RSC1A1: variants seen among roughly 807,000 people sequenced by gnomAD.
RSC1A1 encodes the protein regulator of solute carriers 1.
Under a neutral mutation model 7.7 loss-of-function variants are expected in RSC1A1, and 6 were observed. That is an observed-to-expected ratio of 0.78 (90% CI 0.43 to 1.53). The LOEUF (loss-of-function observed/expected upper bound fraction) is 1.53, where lower values mean the gene tolerates loss of function less well. Among genes scored for constraint, RSC1A1 ranks in the 40% most tolerant of loss-of-function variants. The pLI is 0.01. For missense variants in RSC1A1, 729 were observed against 726.3 expected, an observed-to-expected ratio of 1.00 and a Z score of -0.04; for synonymous variants, 250 against 263.0, an observed-to-expected ratio of 0.95 and a Z score of 0.48.
chr1:15,660,862 C>T lies in RSC1A1; in HGVS notation c.994C>T (p.Pro332Ser). The T allele has an allele frequency of 1.9e-6, 3 of 1,614,162 alleles. No individual in the cohort carries two copies. The highest frequency in any genetic ancestry group is 1.7e-6 in the Non-Finnish European group (2 of 1,180,034). ...TNKEYGHYSS[P>S]SLCGSCQPSV... ...TAAAGAATATGGCCATTACTCCTCT[C>T]CAAGTCTCTGTGGCAGTTGTCAGCC... The change falls in exon 1 of 1, where the codon CCA becomes TCA. Residue 332 changes from proline (P) to serine (S), a missense_variant. Pro to Ser is a moderately conservative substitution (Grantham distance 74, BLOSUM62 -1). Coordinates refer to ENST00000345034, the MANE Select transcript of RSC1A1 (RefSeq NM_006511.3).
Position 15,660,533 on chromosome 1 carries a change from C to T in RSC1A1, c.665C>T (p.Pro222Leu). The T allele has an allele frequency of 1.2e-6, 2 of 1,613,156 alleles. No homozygotes were observed. The highest frequency in any genetic ancestry group is 4.5e-5 in the East Asian group (2 of 44,884). The change falls in exon 1 of 1, where the codon CCA becomes CTA. Residue 222 changes from proline to leucine, a missense_variant. Transcript: ENST00000345034. ...GCTACGATGAAAGGAAATGGGCTCC[C>T]ACAGAATGTGGATCCTCCAAGTGCG... Reference protein sequence around the residue: ...LEATMKGNGLPQNVDPPSAKK... With the variant: ...LEATMKGNGLLQNVDPPSAKK...
rs1404711626 is a variant in RSC1A1, at chr1:15,661,773, GCT to G, written c.*58_*59del. The G allele has an allele frequency of 5.2e-6, 8 of 1,539,842 alleles. No individual in the cohort carries two copies. Among genetic ancestry groups the G allele is most frequent in the African/African-American group, 2.8e-5 (2 of 72,548 alleles). On this transcript the variant is annotated 3_prime_UTR_variant, in exon 1 of 1. Coordinates refer to ENST00000345034, the MANE Select transcript of RSC1A1 (RefSeq NM_006511.3). ...CTCCATTCCCTTTAAACAAAAGAAA[GCT>G]CTCTCTATATACACGCACACATACA...
Position 15,659,930 on chromosome 1 carries a change from CTGATGTTGGTAATCCTATGAGTCT to C in RSC1A1, c.65_88del (p.Asp22_Leu29del). On this transcript the variant is annotated inframe_deletion, in exon 1 of 1. Coordinates refer to ENST00000345034, the MANE Select transcript of RSC1A1 (RefSeq NM_006511.3). The stretch of plus-strand genomic sequence containing the variant: ...CCCGCCCGTTCTTCAGGACAGAGTC[CTGATGTTGGTAATCCTATGAGTCT>C]TGCTCGCTCTGTCTCTGCTTCAGTC... 1 of 1,613,356 alleles carries C rather than the reference CTGATGTTGGTAATCCTATGAGTCT, an allele frequency of 6.2e-7. No homozygotes were observed. The highest frequency in any genetic ancestry group is 8.5e-7 in the Non-Finnish European group (1 of 1,179,774).
chr1:15,661,940 C>A lies in RSC1A1; in HGVS notation c.*218C>A. The A allele has an allele frequency of 1.6e-6, 1 of 610,634 alleles. No individual in the cohort carries two copies. Among genetic ancestry groups the A allele is most frequent in the Non-Finnish European group, 2.5e-6 (1 of 398,070 alleles). The allele number at this position is 610,634 out of a possible 1,614,324, so 37.8% of individuals were successfully genotyped here. ...TCTATCCTACTTGTTAAAATTTAGG[C>A]CTTTTTAAATGTATTGGCAGTATGT... On this transcript the variant is annotated 3_prime_UTR_variant, in exon 1 of 1. Coordinates refer to ENST00000345034, the MANE Select transcript of RSC1A1 (RefSeq NM_006511.3).
Position 15,661,692 on chromosome 1 carries a change from G to C in RSC1A1, c.1824G>C (p.Leu608Phe), listed in dbSNP as rs891934993. Reference sequence around the variant, plus strand: ...ATGCAGACCTTGCACTTCTTGTTTTGCTCGCAAAAAACATCGTAGTTCCTA... The same window carrying C: ...ATGCAGACCTTGCACTTCTTGTTTTCCTCGCAAAAAACATCGTAGTTCCTA... ...GGNADLALLV[L>F]LAKNIVVPT The change falls in exon 1 of 1, where the codon TTG (leucine) becomes TTC (phenylalanine). Residue 608 changes from leucine to phenylalanine, a missense_variant. Transcript: ENST00000345034. The C allele has an allele frequency of 6.2e-7, 1 of 1,610,248 alleles. No homozygotes were observed. The highest frequency in any genetic ancestry group is 1.3e-5 in the African/African-American group (1 of 74,728).
rs775163552 is a variant in RSC1A1, at chr1:15,660,106, C to T, written c.238C>T (p.His80Tyr). The T allele has an allele frequency of 6.8e-6, 11 of 1,614,016 alleles. No individual in the cohort carries two copies. The South Asian group carries it at 1.2e-4, about 18-fold the overall frequency. The change falls in exon 1 of 1, where the codon CAT becomes TAT. Residue 80 changes from histidine to tyrosine, a missense_variant. Physicochemically the swap from His to Tyr is moderately conservative, Grantham distance 83. Transcript: ENST00000345034. ...TCTTTCTTTACAAGATCTTTCTGAT[C>T]ATGCTTCCTCAGCAGACCATGCTCC... ...EHLSLQDLSD[H>Y]ASSADHAPTD...
In RSC1A1 at chr1:15,661,707, C is replaced by G. The variant is rs118187152; in HGVS notation, c.1839C>G (p.Ile613Met). ...TTCTTGTTTTGCTCGCAAAAAACAT[C>G]GTAGTTCCTACATGACTGTGGGAAA... Reference protein sequence around the residue: ...LALLVLLAKNIVVPT With the variant: ...LALLVLLAKNMVVPT The change falls in exon 1 of 1, where the codon ATC becomes ATG. Residue 613 changes from isoleucine (I) to methionine (M), a missense_variant. Transcript: ENST00000345034. 6.2e-7 allele frequency: 1 copy of G among 1,610,388 alleles called. No individual in the cohort carries two copies. The highest frequency in any genetic ancestry group is 1.7e-5 in the Admixed American group (1 of 59,804).
chr1:15,660,455 T>C lies in RSC1A1; in HGVS notation c.587T>C (p.Leu196Pro). Residue 196 changes from leucine (L) to proline (P), a missense_variant, in exon 1 of 1, where the codon CTT (leucine) becomes CCT (proline). Leu to Pro is a moderately conservative substitution (Grantham distance 98, BLOSUM62 -3). Coordinates refer to ENST00000345034, the MANE Select transcript of RSC1A1 (RefSeq NM_006511.3). ...DQEYLCNIGD[L>P]ELPEERQQNQ... ...GAATATCTTTGTAACATAGGGGACC[T>C]TGAGCTTCCTGAAGAAAGGCAACAG... The C allele has an allele frequency of 6.2e-7, 1 of 1,614,148 alleles. No individual in the cohort carries two copies. The highest frequency in any genetic ancestry group is 8.5e-7 in the Non-Finnish European group (1 of 1,180,030).
Position 15,661,148 on chromosome 1 carries a change from A to G in RSC1A1, c.1280A>G (p.Glu427Gly). Residue 427 changes from glutamate (E) to glycine (G), a missense_variant, in exon 1 of 1, where the codon GAA (glutamate) becomes GGA (glycine). Coordinates refer to ENST00000345034, the MANE Select transcript of RSC1A1 (RefSeq NM_006511.3). ...GCCATATCTGTATCAGTGGAGACAGAAAAATTAACAGGTACTTCATCTGAC... is the reference window on the plus strand; with the variant it reads ...GCCATATCTGTATCAGTGGAGACAGGAAAATTAACAGGTACTTCATCTGAC... ...HQAISVSVET[E>G]KLTGTSSDTG... 2.5e-6 allele frequency: 4 copies of G among 1,614,118 alleles called. No individual in the cohort carries two copies. Among genetic ancestry groups the G allele is most frequent in the Non-Finnish European group, 2.5e-6 (3 of 1,180,010 alleles).
chr1:15,660,491 A>C lies in RSC1A1; in HGVS notation c.623A>C (p.Lys208Thr). The C allele has an allele frequency of 6.2e-7, 1 of 1,613,990 alleles. No homozygotes were observed. The highest frequency in any genetic ancestry group is 8.5e-7 in the Non-Finnish European group (1 of 1,179,994). The change falls in exon 1 of 1, where the codon AAA becomes ACA. Residue 208 changes from lysine (K) to threonine (T), a missense_variant. Physicochemically the swap from Lys to Thr is moderately conservative, Grantham distance 78. Coordinates refer to ENST00000345034, the MANE Select transcript of RSC1A1 (RefSeq NM_006511.3). ...GAAGAAAGGCAACAGAATCAACACA[A>C]AATTGTTGATTTGGAAGCTACGATG... ...LPEERQQNQH[K>T]IVDLEATMKG...
In RSC1A1 at chr1:15,661,750, C is replaced by G. The variant is rs748636926; in HGVS notation, c.*28C>G. On this transcript the variant is annotated 3_prime_UTR_variant, in exon 1 of 1. Coordinates refer to ENST00000345034, the MANE Select transcript of RSC1A1 (RefSeq NM_006511.3). ...GTGGGAAAGTGGGCTAGACCGTTCT[C>G]CATTCCCTTTAAACAAAAGAAAGCT... is the stretch of plus-strand genomic sequence containing the variant. The G allele has an allele frequency of 1.3e-6, 2 of 1,569,496 alleles. No homozygotes were observed. Among genetic ancestry groups the G allele is most frequent in the Admixed American group, 3.7e-5 (2 of 53,530 alleles).
rs1259070014 is a variant in RSC1A1, at chr1:15,660,040, G to A, written c.172G>A (p.Ala58Thr). 1.9e-6 allele frequency: 3 copies of A among 1,614,002 alleles called. No homozygotes were observed. The highest frequency in any genetic ancestry group is 2.5e-6 in the Non-Finnish European group (3 of 1,179,990). ...IEPKAVKALK[A>T]SAEFQLNSEK... Reference sequence around the variant, plus strand: ...ACCTAAAGCTGTGAAGGCTTTGAAGGCTTCAGCTGAATTCCAGCTAAACTC... The same window carrying A: ...ACCTAAAGCTGTGAAGGCTTTGAAGACTTCAGCTGAATTCCAGCTAAACTC... Residue 58 changes from alanine to threonine, a missense_variant, in exon 1 of 1, where the codon GCT becomes ACT. By Grantham distance (58) the Ala-to-Thr change is moderately conservative (BLOSUM62 0). Coordinates refer to ENST00000345034, the MANE Select transcript of RSC1A1 (RefSeq NM_006511.3).
Position 15,660,517 on chromosome 1 carries a change from A to C in RSC1A1, c.649A>C (p.Lys217Gln), listed in dbSNP as rs1187905628. The change falls in exon 1 of 1, where the codon AAA (lysine) becomes CAA (glutamine). Residue 217 changes from lysine to glutamine, a missense_variant. By Grantham distance (53) the Lys-to-Gln change is moderately conservative (BLOSUM62 1). Transcript: ENST00000345034. ...HKIVDLEATM[K>Q]GNGLPQNVDP... ...AATTGTTGATTTGGAAGCTACGATG[A>C]AAGGAAATGGGCTCCCACAGAATGT... 1.2e-6 allele frequency: 2 copies of C among 1,613,690 alleles called. No individual in the cohort carries two copies. The highest frequency in any genetic ancestry group is 2.2e-5 in the East Asian group (1 of 44,878).
In RSC1A1 at chr1:15,661,002, A is replaced by C. The variant is rs1267304627; in HGVS notation, c.1134A>C (p.Val378=). Residue 378 remains valine, a synonymous_variant, in exon 1 of 1, where the codon GTA becomes GTC. Coordinates refer to ENST00000345034, the MANE Select transcript of RSC1A1 (RefSeq NM_006511.3). ...CTTCAGAAAATACATCTGAAGAAGT[A>C]ATCTGTCAATCAGAAACCATAGCTG... is the stretch of plus-strand genomic sequence containing the variant. ...KPASENTSEE[V]ICQSETIAEG... is the part of the protein sequence containing the mutation. 6.2e-7 allele frequency: 1 copy of C among 1,614,062 alleles called. No individual in the cohort carries two copies. Among genetic ancestry groups the C allele is most frequent in the Non-Finnish European group, 8.5e-7 (1 of 1,179,972 alleles).
At position 15,661,125 on chromosome 1, in the gene RSC1A1, C is replaced by T. The variant is rs1315091482; in HGVS notation, c.1257C>T (p.Ala419=). 6.2e-7 allele frequency: 1 copy of T among 1,613,800 alleles called. No individual in the cohort carries two copies. The highest frequency in any genetic ancestry group is 1.3e-5 in the African/African-American group (1 of 74,892). ...EQCPQVSFHQ[A]ISVSVETEKL... ...GTCCACAAGTCTCCTTTCATCAGGC[C>T]ATATCTGTATCAGTGGAGACAGAAA... The change falls in exon 1 of 1, where the codon GCC becomes GCT. Residue 419 remains alanine, a synonymous_variant. Transcript: ENST00000345034.
Position 15,660,345 on chromosome 1 carries a change from G to A in RSC1A1, c.477G>A (p.Leu159=). 1 of 1,614,116 alleles carries A rather than the reference G, an allele frequency of 6.2e-7. No individual in the cohort carries two copies. Among genetic ancestry groups the A allele is most frequent in the Non-Finnish European group, 8.5e-7 (1 of 1,180,020 alleles). The change falls in exon 1 of 1, where the codon CTG becomes CTA. Residue 159 remains leucine (L), a synonymous_variant. Transcript: ENST00000345034. ...ATTGGCATCCAGAAAATCAGAACCT[G>A]AGTCAAGTGAGTGACCCTCAGCAGC... ...EKDWHPENQN[L]SQVSDPQQHE... is the part of the protein sequence containing the mutation.
Position 15,661,005 on chromosome 1 carries a change from C to A in RSC1A1, c.1137C>A (p.Ile379=), listed in dbSNP as rs138570543. ...CAGAAAATACATCTGAAGAAGTAAT[C>A]TGTCAATCAGAAACCATAGCTGAGG... ...PASENTSEEV[I]CQSETIAEGQ... Residue 379 remains isoleucine, a synonymous_variant, in exon 1 of 1, where the codon ATC becomes ATA. Transcript: ENST00000345034. 2.5e-6 allele frequency: 4 copies of A among 1,613,942 alleles called. No homozygotes were observed. The African/African-American group carries it at 5.3e-5, about 22-fold the overall frequency.
At position 15,661,710 on chromosome 1, in the gene RSC1A1, A is replaced by C. The variant is rs199740469; in HGVS notation, c.1842A>C (p.Val614=). Residue 614 remains valine, a synonymous_variant, in exon 1 of 1, where the codon GTA becomes GTC. Transcript: ENST00000345034. The part of the protein sequence containing the change: ...ALLVLLAKNI[V]VPT Reference sequence around the variant, plus strand: ...TTGTTTTGCTCGCAAAAAACATCGTAGTTCCTACATGACTGTGGGAAAGTG... The same window carrying C: ...TTGTTTTGCTCGCAAAAAACATCGTCGTTCCTACATGACTGTGGGAAAGTG... 3 of 1,610,222 alleles carry C rather than the reference A, an allele frequency of 1.9e-6. No homozygotes were observed. The highest frequency in any genetic ancestry group is 2.5e-6 in the Non-Finnish European group (3 of 1,177,448).
In RSC1A1 at chr1:15,660,622, G is replaced by A. The variant is rs748599805; in HGVS notation, c.754G>A (p.Asp252Asn). The change falls in exon 1 of 1, where the codon GAT becomes AAT. Residue 252 changes from aspartate to asparagine, a missense_variant. Transcript: ENST00000345034. The part of the protein sequence containing the change: ...CSNSETFMEI[D>N]TAQQSLVTLL... ...AAATTCAGAAACATTTATGGAAATCGATACAGCTCAACAGTCCCTAGTTAC... is the reference window on the plus strand; with the variant it reads ...AAATTCAGAAACATTTATGGAAATCAATACAGCTCAACAGTCCCTAGTTAC... The A allele has an allele frequency of 1.9e-6, 3 of 1,614,132 alleles. No homozygotes were observed. The highest frequency in any genetic ancestry group is 2.2e-5 in the South Asian group (2 of 91,056).
Sources: allele counts gnomAD v4.1 joint callset, GRCh38; gene constraint gnomAD v4.1.1; transcripts MANE v1.5; gene names NCBI Gene and HGNC (gene_info 2026-07-23, HGNC 2026-07-21).